NPNT: variants seen among roughly 807,000 people sequenced by gnomAD.
The protein encoded by NPNT is preosteoblast EGF-like repeat protein with MAM domain.
Under a neutral mutation model 68.6 loss-of-function variants are expected in NPNT, and 45 were observed. The ratio of observed to expected loss-of-function variants is 0.66; its 90% confidence interval spans 0.52 to 0.84. NPNT has a LOEUF of 0.84. Ranked by LOEUF, NPNT falls within the 40% of genes least tolerant of loss-of-function variation. The pLI is 0.00. For synonymous variants in NPNT, 233 were observed against 253.3 expected (o/e 0.92, Z 0.76); for missense variants, 672 against 714.8 (o/e 0.94, Z 0.68).
At chr4:105,939,927 G>A in intron 5 of NPNT, 148 bp from the exon 6 acceptor site, 5 of 630,334 alleles carry the variant, frequency 7.9e-6, no homozygotes, top group Non-Finnish European at 1.4e-5. Context: ...TGGAATTTAT[G>A]TTGCCTGTAG....
intron 8 of NPNT, among the ~76,000 whole-genome samples, chr4:105,956,997 TA>T (rs1393841502): frequency 1.3e-5 from 2 of 152,328 alleles, no homozygotes; most frequent in East Asian, 3.9e-4. Context: ...GAATTTTTGC[TA>T]AAAACAATAG....
chr4:105,945,666 C>T (rs1208341508), intron 8 of NPNT, among the ~76,000 whole-genome samples: 1 of 152,196 alleles, frequency 6.6e-6, no homozygotes, highest in East Asian at 1.9e-4. Context: ...CCCAAGCCAT[C>T]TCTCCCCTGG....
intron 2 of NPNT, among the ~76,000 whole-genome samples, chr4:105,922,787 C>A (rs138140969): frequency 6.6e-6 from 1 of 152,260 alleles, no homozygotes; most frequent in East Asian, 1.9e-4. Flanking sequence ...TGCTAGAGAG[C>A]AAATTTTGAG....
chr4:105,945,674 T>G (rs1730326869), intron 8 of NPNT, among the ~76,000 whole-genome samples: 1 of 152,222 alleles, frequency 6.6e-6, no homozygotes, highest in African/African-American at 2.4e-5. Context: ...ATCTCTCCCC[T>G]GGAATACAGG....
At chr4:105,941,340 AC>A (rs1185455407) in intron 7 of NPNT, among the ~76,000 whole-genome samples, 2 of 151,956 alleles carry the variant, frequency 1.3e-5, no homozygotes, top group Non-Finnish European at 2.9e-5. Context: ...AGAGAGCGAG[AC>A]CTGTCTCAAA....
At chr4:105,902,249 G>A (rs561267271) in intron 2 of NPNT, among the ~76,000 whole-genome samples, 8 of 152,206 alleles carry the variant, frequency 5.3e-5, no homozygotes, top group Non-Finnish European at 1.0e-4. Context: ...TGTTTTGAAG[G>A]CCACACATAG....
chr4:105,967,767 G>A (rs1732289203), intron 11 of NPNT, among the ~76,000 whole-genome samples: 1 of 151,892 alleles, frequency 6.6e-6, no homozygotes, highest in South Asian at 2.1e-4. Context: ...TCCAAGGGTG[G>A]GGTGGTGAGC....
intron 1 of NPNT, chr4:105,895,973 C>T (rs984267540): frequency 1.1e-5 from 6 of 546,194 alleles, no homozygotes; most frequent in Non-Finnish European, 2.0e-5. Context: ...CGCCCCGGCT[C>T]GGGAATTAGG....
intron 4 of NPNT, 67 bp from the exon 5 acceptor site, chr4:105,938,234 A>G (rs1729647167): frequency 8.5e-6 from 13 of 1,532,710 alleles, no homozygotes; most frequent in Admixed American, 3.6e-5. Flanking sequence ...AAGTGAAAAA[A>G]CATAGCTATT....
In NPNT at chr4:105,969,380, T is replaced by C. The variant is rs1402951791; in HGVS notation, c.*390T>C. 5.8e-6 allele frequency: 1 copy of C among 172,066 alleles called. No homozygotes were observed. Among genetic ancestry groups the C allele is most frequent in the Non-Finnish European group, 1.3e-5 (1 of 79,720 alleles). 10.7% of individuals were successfully genotyped at this position (172,066 alleles called of 1,614,324 possible). On this transcript the variant is annotated 3_prime_UTR_variant, in exon 12 of 12. Transcript: ENST00000379987. The stretch of plus-strand genomic sequence containing the variant: ...AAATCTTTGCAGATGGCTATGATGT[T>C]ATGTGTTCGGTGTTGTACCATGAGT...
At chr4:105,940,796 C>T (rs1729885966) in intron 7 of NPNT, among the ~76,000 whole-genome samples, 160 bp downstream of exon 7, 1 of 152,162 alleles carries the variant, frequency 6.6e-6, no homozygotes, top group Non-Finnish European at 1.5e-5. Context: ...AAATCACTTG[C>T]TCAGGTACTT....
At position 105,936,930 on chromosome 4, in the gene NPNT, A is replaced by G. The variant is rs1729537050; in HGVS notation, c.266-79A>G. The G allele has an allele frequency of 9.9e-6, 14 of 1,408,432 alleles. No homozygotes were observed. The South Asian group carries it at 2.0e-4, about 20-fold the overall frequency. 87.2% of individuals were successfully genotyped at this position (1,408,432 alleles called of 1,614,324 possible). A position where few individuals can be genotyped will look rare whatever the true frequency, so the allele number is the denominator to read the frequency against. On this transcript the variant is annotated intron_variant, in intron 3 of 11. Coordinates refer to ENST00000379987, the MANE Select transcript of NPNT (RefSeq NM_001033047.3). Reference sequence around the variant, plus strand: ...ACCTATTTTTCTCTTTCATTTTTTAATATAGAAAAGAATTTTAGATGGCTT... The same window carrying G: ...ACCTATTTTTCTCTTTCATTTTTTAGTATAGAAAAGAATTTTAGATGGCTT...
chr4:105,929,993 G>T (rs1728985974), intron 3 of NPNT, among the ~76,000 whole-genome samples: 1 of 151,980 alleles, frequency 6.6e-6, no homozygotes, highest in Non-Finnish European at 1.5e-5. Context: ...AAGAGAAGAG[G>T]ATTTGATTAG....
At chr4:105,901,381 A>G (rs1181764657) in intron 2 of NPNT, among the ~76,000 whole-genome samples, 3 of 152,218 alleles carry the variant, frequency 2.0e-5, no homozygotes, top group Admixed American at 6.5e-5. Flanking sequence ...AACTTCCTTA[A>G]TGTAGAAAAA....
intron 2 of NPNT, among the ~76,000 whole-genome samples, chr4:105,917,437 C>T (rs899739284): frequency 6.6e-6 from 1 of 152,164 alleles, no homozygotes; most frequent in African/African-American, 2.4e-5. Flanking sequence ...ACACCTTGTA[C>T]ACCTGTCATG....
intron 2 of NPNT, among the ~76,000 whole-genome samples, chr4:105,898,681 A>G (rs764030618): frequency 3.3e-5 from 5 of 152,190 alleles, no homozygotes; most frequent in Non-Finnish European, 7.3e-5. Flanking sequence ...ATAAGTACCA[A>G]ATCAGAAAGC....
At chr4:105,916,372 A>ACCATGC (rs1046203741) in intron 2 of NPNT, among the ~76,000 whole-genome samples, 19 of 148,228 alleles carry the variant, frequency 1.3e-4, no homozygotes, top group Non-Finnish European at 2.7e-4. Flanking sequence ...GGCATACACC[A>ACCATGC]CCATGCCCAT....
rs545088383 is a variant in NPNT at position 105,895,764 on chromosome 4, T to C, written c.71+41T>C. 917 of 1,496,006 alleles carry C rather than the reference T, an allele frequency of 6.1e-4. 1 individual carries two copies. Among genetic ancestry groups the C allele is most frequent in the Middle Eastern group, 1.2e-3 (7 of 5,864 alleles). The allele number at this position is 1,496,006 out of a possible 1,614,324, so 92.7% of individuals were successfully genotyped here. A position where few individuals can be genotyped will look rare whatever the true frequency, so the allele number is the denominator to read the frequency against. On this transcript the variant is annotated intron_variant, in intron 1 of 11. Transcript: ENST00000379987. ...GGGCGCCCTCTCCTCCTTCCCGCGCTAATTTCACACTCACTGTCTTGGGTC... is the reference window on the plus strand; with the variant it reads ...GGGCGCCCTCTCCTCCTTCCCGCGCCAATTTCACACTCACTGTCTTGGGTC...
chr4:105,903,604 G>T (rs1395114517), intron 2 of NPNT, among the ~76,000 whole-genome samples: 1 of 152,098 alleles, frequency 6.6e-6, no homozygotes, highest in African/African-American at 2.4e-5. Context: ...CAACAAGCAT[G>T]ATTAGTTTTT....
Sources: allele counts gnomAD v4.1 joint callset (sites outside exome capture counted in the v4.1 genomes callset), GRCh38; gene constraint gnomAD v4.1.1; transcripts MANE v1.5; gene names NCBI Gene and HGNC (gene_info 2026-07-23, HGNC 2026-07-21).